Variants in TCFL5 observed in about 807,000 individuals in gnomAD.
TCFL5 encodes the protein transcription factor-like 5 protein.
TCFL5 carries 9 observed loss-of-function variants against 44.3 expected under a neutral mutation model. The ratio of observed to expected loss-of-function variants is 0.20; its 90% CI spans 0.12 to 0.35. TCFL5 has a LOEUF of 0.35. Ranked by LOEUF, TCFL5 falls within the 10% of genes least tolerant of loss-of-function variation. The pLI is 1.00. For missense variants in TCFL5, 603 were observed against 613.4 expected (o/e 0.98, Z 0.18); for synonymous variants, 319 against 271.6 (o/e 1.17, Z -1.72).
chr20:62,845,742 C>A, intron 5 of TCFL5: 1 of 1,606,528 alleles, frequency 6.2e-7, no homozygotes, highest in Non-Finnish European at 8.5e-7. Flanking sequence ...CTGTCCCTGC[C>A]CATGCGGAGA....
rs1171343172 is a variant in TCFL5 at position 62,841,344 on chromosome 20, C to G, written c.*631G>C. The G allele has an allele frequency of 6.5e-6, 1 of 154,200 alleles. No homozygotes were observed. Among genetic ancestry groups the G allele is most frequent in the Non-Finnish European group, 1.4e-5 (1 of 69,444 alleles). 9.6% of individuals were successfully genotyped at this position (154,200 alleles called of 1,614,324 possible). On this transcript the variant is annotated 3_prime_UTR_variant, in exon 6 of 6. Coordinates refer to ENST00000335351, the MANE Select transcript of TCFL5 (RefSeq NM_006602.4). ...GTGACACATGAAGTAATGAATGACT[C>G]TTGGTATGAAAACGTGGCATTTAAG...
At chr20:62,856,264 A>AG (rs1357634626) in intron 4 of TCFL5, among the ~76,000 whole-genome samples, 1,933 of 150,778 alleles carry the variant, frequency 0.013, 38 homozygotes, top group African/African-American at 0.044. Context: ...AAAAAAAAAA[A>AG]AAAAAAGAAA....
rs1270233143 is a variant in TCFL5 at position 62,854,055 on chromosome 20, C to T, written c.1341G>A (p.Leu447=). The T allele has an allele frequency of 3.7e-6, 6 of 1,614,120 alleles. No homozygotes were observed. Among genetic ancestry groups the T allele is most frequent in the Non-Finnish European group, 5.1e-6 (6 of 1,180,036 alleles). Residue 447 remains leucine, a synonymous_variant, in exon 5 of 6, where the codon CTG becomes CTA. Transcript: ENST00000335351. ...CTCCATGTCTTTCCTGGATGTATTT[C>T]AGGAATGCTGTGGTCCACTGCAGAG... ...ATTLQWTTAF[L]KYIQERHGDS...
chr20:62,845,279 G>A (rs1462938379), intron 5 of TCFL5: 7 of 781,520 alleles, frequency 9.0e-6, no homozygotes, highest in South Asian at 7.7e-5. Flanking sequence ...GTACCACCAC[G>A]CCCGGCTAAT....
At chr20:62,858,642 T>C (rs2063933917) in intron 3 of TCFL5, among the ~76,000 whole-genome samples, 1 of 144,810 alleles carries the variant, frequency 6.9e-6, no homozygotes, top group South Asian at 2.2e-4. Flanking sequence ...TACGCAGGTG[T>C]TTCCCAGGGA....
intron 3 of TCFL5, among the ~76,000 whole-genome samples, chr20:62,859,064 T>C (rs2063943329): frequency 6.6e-6 from 1 of 152,200 alleles, no homozygotes; most frequent in South Asian, 2.1e-4. Context: ...AACTATAAAG[T>C]ACTTTCAGTA....
rs754987111 is a variant in TCFL5 at position 62,842,126 on chromosome 20, C to G, written c.1381-29G>C. The stretch of plus-strand genomic sequence containing the variant: ...CAGTGAAGAAGTGACGGTTAACATA[C>G]TGAATTAACTGACATGAAAACTGCT... On this transcript the variant is annotated intron_variant, in intron 5 of 5. Coordinates refer to ENST00000335351, the MANE Select transcript of TCFL5 (RefSeq NM_006602.4). The surrounding 1 kb of genome is among the most constrained non-coding windows in gnomAD (Gnocchi z 4.3). The G allele has an allele frequency of 6.2e-7, 1 of 1,612,382 alleles. No individual in the cohort carries two copies. Among genetic ancestry groups the G allele is most frequent in the Non-Finnish European group, 8.5e-7 (1 of 1,179,072 alleles).
chr20:62,854,285 C>T (rs1302921108), intron 4 of TCFL5, 128 bp from the exon 5 acceptor site: 23 of 1,222,662 alleles, frequency 1.9e-5, no homozygotes, highest in South Asian at 4.6e-5. Context: ...GCCACGGAAG[C>T]GCCTGTCACC....
At position 62,857,583 on chromosome 20, in the gene TCFL5, C is replaced by T. The variant is rs1346468638; in HGVS notation, c.1050G>A (p.Leu350=). 4 of 1,614,226 alleles carry T rather than the reference C, an allele frequency of 2.5e-6. No homozygotes were observed. The highest frequency in any genetic ancestry group is 3.4e-6 in the Non-Finnish European group (4 of 1,180,032). The change falls in exon 4 of 6, where the codon TTG becomes TTA. Residue 350 remains leucine, a synonymous_variant. Coordinates refer to ENST00000335351, the MANE Select transcript of TCFL5 (RefSeq NM_006602.4). ...GGGCTCTTCGCTCTACATTTGTGTC[C>T]AACTGACGCATTCTACTCCGATTCC... ...LKRNRSRMRQ[L]DTNVERRALG...
chr20:62,857,466 C>T lies in TCFL5; in HGVS notation c.1167G>A (p.Gln389=), dbSNP rs2063911900. ...TTCCTCCCTGGGGCCCACTCTGGGCCTGCTCCCCCAGGTTTGCCTGTGAGG... is the reference window on the plus strand; with the variant it reads ...TTCCTCCCTGGGGCCCACTCTGGGCTTGCTCCCCCAGGTTTGCCTGTGAGG... ...SESSQANLGE[Q]AQSGPQGGRS... is the part of the protein sequence containing the mutation. Residue 389 remains glutamine, a synonymous_variant, in exon 4 of 6, where the codon CAG becomes CAA. Coordinates refer to ENST00000335351, the MANE Select transcript of TCFL5 (RefSeq NM_006602.4). 1.9e-6 allele frequency: 3 copies of T among 1,614,234 alleles called. No homozygotes were observed. In the East Asian group the frequency reaches 6.7e-5, roughly 36 times the overall value.
intron 5 of TCFL5, among the ~76,000 whole-genome samples, chr20:62,847,727 A>G (rs965224391): frequency 6.6e-6 from 1 of 152,252 alleles, no homozygotes; most frequent in Non-Finnish European, 1.5e-5. Flanking sequence ...ATCCGTATGT[A>G]GGCCAGGCGC....
chr20:62,860,550 A>G (rs2063979566), intron 1 of TCFL5, among the ~76,000 whole-genome samples: 1 of 152,216 alleles, frequency 6.6e-6, no homozygotes, highest in South Asian at 2.1e-4. Context: ...CACTTTTGCC[A>G]TCCTCCAGTG....
At chr20:62,851,919 C>T in intron 5 of TCFL5, 1 of 828,576 alleles carries the variant, frequency 1.2e-6, no homozygotes, top group East Asian at 1.2e-4. Context: ...AACAATTCTC[C>T]TGCTTCAACC....
rs138639498 is a variant in TCFL5 at position 62,848,594 on chromosome 20, C to T, written c.1380+5422G>A. 7.5e-4 allele frequency among the ~76,000 whole-genome samples: 114 copies of T among 151,402 alleles called. 2 individuals carry two copies. In the South Asian group the frequency reaches 0.019, roughly 26 times the overall value. On this transcript the variant is annotated intron_variant, in intron 5 of 5. Transcript: ENST00000335351. ...CTCTACTAAAAATACAAAAATTAGC[C>T]GGGCGTGGTGGGATGCGTTTGTAAT...
rs758519356 is a variant in TCFL5 at position 62,845,729 on chromosome 20, T to C, written c.1381-3632A>G. 15 of 1,606,578 alleles carry C rather than the reference T, an allele frequency of 9.3e-6. No individual in the cohort carries two copies. The South Asian group carries it at 1.4e-4, about 15-fold the overall frequency. On this transcript the variant is annotated intron_variant, in intron 5 of 5. Coordinates refer to ENST00000335351, the MANE Select transcript of TCFL5 (RefSeq NM_006602.4). The stretch of plus-strand genomic sequence containing the variant: ...AATATGACGAGGACTCGGAGACATA[T>C]TTCTGTCCCTGCCCATGCGGAGATA...
chr20:62,852,314 G>A (rs1423585640), intron 5 of TCFL5: 5 of 936,246 alleles, frequency 5.3e-6, no homozygotes, highest in Non-Finnish European at 6.2e-6. Context: ...CTGAGGCCGG[G>A]ACCTGGAACT....
rs1004025791 is a variant in TCFL5, at chr20:62,842,459, T to C, written c.1381-362A>G. 2.0e-5 allele frequency among the ~76,000 whole-genome samples: 3 copies of C among 152,086 alleles called. No individual in the cohort carries two copies. Among genetic ancestry groups the C allele is most frequent in the Non-Finnish European group, 2.9e-5 (2 of 67,996 alleles). ...ACCCAGCGTGTGAGAGAAGGTAGAG[T>C]GTATATATTAAAACGTTTCAGGCCG... On this transcript the variant is annotated intron_variant, in intron 5 of 5. Coordinates refer to ENST00000335351, the MANE Select transcript of TCFL5 (RefSeq NM_006602.4). The surrounding 1 kb of genome is among the most constrained non-coding windows in gnomAD (Gnocchi z 4.3).
intron 5 of TCFL5, chr20:62,852,940 G>A (rs1416456202): frequency 1.4e-5 from 18 of 1,289,240 alleles, no homozygotes; most frequent in Non-Finnish European, 1.1e-5. Flanking sequence ...CCAGTCCGCA[G>A]AAGTATAGTC....
chr20:62,853,072 TCCGCAGAAGCACAGTCACC>T (rs2063835267), intron 5 of TCFL5, among the ~76,000 whole-genome samples: 1 of 144,266 alleles, frequency 6.9e-6, no homozygotes, highest in African/African-American at 2.7e-5. Context: ...AGTCACCCGG[TCCGCAGAAGCACAGTCACC>T]GGTCCACAGA....
Sources: allele counts gnomAD v4.1 joint callset (sites outside exome capture counted in the v4.1 genomes callset), GRCh38; gene constraint gnomAD v4.1.1; non-coding constraint Gnocchi (gnomAD v3.1); transcripts MANE v1.5; gene names NCBI Gene and HGNC (gene_info 2026-07-23, HGNC 2026-07-21).